KCNJ3: variants seen among roughly 807,000 people sequenced by gnomAD.
KCNJ3 encodes G protein-activated inward rectifier potassium channel 1.
Under a neutral mutation model 39.2 loss-of-function variants are expected in KCNJ3, and 4 were observed. The observed-to-expected ratio is 0.10, with a 90% CI of 0.05 to 0.23. The LOEUF (loss-of-function observed/expected upper bound fraction) is 0.23. Ranked by LOEUF, KCNJ3 falls within the 10% of genes least tolerant of loss-of-function variation. The pLI, the probability that KCNJ3 is intolerant of heterozygous loss-of-function variation, is 1.00. For missense variants in KCNJ3, 276 were observed against 634.9 expected, an observed-to-expected ratio of 0.43 and a Z score of 6.08; for synonymous variants, 230 against 237.4, an observed-to-expected ratio of 0.97 and a Z score of 0.29.
At chr2:154,715,826 ATATC>A (rs995954653) in intron 2 of KCNJ3, among the ~76,000 whole-genome samples, 1 of 152,158 alleles carries the variant, frequency 6.6e-6, no homozygotes, top group African/African-American at 2.4e-5. Context: ...GCTAGTTTAT[ATATC>A]TATCTCAATT....
intron 2 of KCNJ3, among the ~76,000 whole-genome samples, chr2:154,814,642 A>T (rs995251587): frequency 5.3e-5 from 8 of 152,194 alleles, no homozygotes; most frequent in Non-Finnish European, 1.0e-4. Context: ...CGTCTCAAAA[A>T]AAATAAATAA....
At chr2:154,841,711 T>C (rs1687580289) in intron 2 of KCNJ3, among the ~76,000 whole-genome samples, 1 of 152,116 alleles carries the variant, frequency 6.6e-6, no homozygotes, top group Admixed American at 6.5e-5. Context: ...GATTTTCTAG[T>C]TTTTTTGCAT....
intron 2 of KCNJ3, among the ~76,000 whole-genome samples, chr2:154,733,691 G>T (rs1158366850): frequency 6.6e-6 from 1 of 152,154 alleles, no homozygotes; most frequent in East Asian, 1.9e-4. Context: ...ATTCGTGTAG[G>T]ACTGTCAAAA....
chr2:154,749,127 AG>A (rs1184325028), intron 2 of KCNJ3, among the ~76,000 whole-genome samples: 1 of 152,122 alleles, frequency 6.6e-6, no homozygotes, highest in African/African-American at 2.4e-5. Context: ...CCTATGCAGA[AG>A]TGAAGGTGTT....
intron 2 of KCNJ3, among the ~76,000 whole-genome samples, chr2:154,802,909 A>G (rs1686844350): frequency 6.6e-6 from 1 of 152,170 alleles, no homozygotes; most frequent in South Asian, 2.1e-4. Context: ...TGAGTAAAAT[A>G]GTTTACAGAT....
chr2:154,850,761 G>A (rs765045354), intron 2 of KCNJ3, among the ~76,000 whole-genome samples: 5 of 152,134 alleles, frequency 3.3e-5, no homozygotes, highest in Non-Finnish European at 7.4e-5. Flanking sequence ...TTAACATAGT[G>A]TTAACATTGA....
At chr2:154,811,564 T>C (rs34412678) in intron 2 of KCNJ3, among the ~76,000 whole-genome samples, 30,863 of 152,092 alleles carry the variant, frequency 0.2, 4,193 homozygotes, top group Non-Finnish European at 0.3. Flanking sequence ...AGTGCTGGGA[T>C]TACAGGCATG....
chr2:154,779,126 G>A (rs897359106), intron 2 of KCNJ3, among the ~76,000 whole-genome samples: 1 of 151,826 alleles, frequency 6.6e-6, no homozygotes, highest in African/African-American at 2.4e-5. Flanking sequence ...TTCTATTCTT[G>A]TGTGGTACAG....
In KCNJ3 at chr2:154,796,709, T is replaced by C. The variant is rs116358790; in HGVS notation, c.920-58018T>C. Reference sequence around the variant, plus strand: ...GTTGAATGACCTGATGTTGACAACATTTAAAGTAGACTACCTAGAATACTA... The same window carrying C: ...GTTGAATGACCTGATGTTGACAACACTTAAAGTAGACTACCTAGAATACTA... On this transcript the variant is annotated intron_variant, in intron 2 of 2. Coordinates refer to ENST00000295101, the MANE Select transcript of KCNJ3 (RefSeq NM_002239.4). Among the ~76,000 whole-genome samples, 1,020 of 152,248 alleles carry C rather than the reference T, an allele frequency of 6.7e-3. 14 individuals carry two copies. Among genetic ancestry groups the C allele is most frequent in the African/African-American group, 0.023 (960 of 41,556 alleles).
At chr2:154,705,622 C>A (rs985061962) in intron 1 of KCNJ3, among the ~76,000 whole-genome samples, 12 of 152,010 alleles carry the variant, frequency 7.9e-5, no homozygotes, top group Non-Finnish European at 1.5e-5. Context: ...ACACATAGAG[C>A]ATTTACATAT....
intron 2 of KCNJ3, among the ~76,000 whole-genome samples, chr2:154,718,076 T>C (rs1685211331): frequency 6.6e-6 from 1 of 152,314 alleles, no homozygotes; most frequent in Non-Finnish European, 1.5e-5. Context: ...AAATTAATTG[T>C]TGGTGTTTTA....
chr2:154,762,296 C>A (rs770320148), intron 2 of KCNJ3, among the ~76,000 whole-genome samples: 1 of 152,130 alleles, frequency 6.6e-6, no homozygotes, highest in Non-Finnish European at 1.5e-5. Context: ...TAAAAAAGTG[C>A]CTTTAATATT....
At chr2:154,751,018 G>A (rs933311904) in intron 2 of KCNJ3, among the ~76,000 whole-genome samples, 3 of 151,772 alleles carry the variant, frequency 2.0e-5, no homozygotes, top group Non-Finnish European at 2.9e-5. Flanking sequence ...TTAAGGGTGA[G>A]GGATAAAAGA....
intron 2 of KCNJ3, among the ~76,000 whole-genome samples, chr2:154,788,311 A>G (rs1686569752): frequency 6.6e-6 from 1 of 152,140 alleles, no homozygotes; most frequent in Non-Finnish European, 1.5e-5. Context: ...AATATTGCAA[A>G]TTATTGTATT....
intron 2 of KCNJ3, among the ~76,000 whole-genome samples, chr2:154,849,627 T>C (rs1687721474): frequency 6.6e-6 from 1 of 152,220 alleles, no homozygotes; most frequent in African/African-American, 2.4e-5. Context: ...GTGGTTATAT[T>C]GTTTTTAACC....
At chr2:154,805,671 T>C (rs999041089) in intron 2 of KCNJ3, among the ~76,000 whole-genome samples, 1 of 152,208 alleles carries the variant, frequency 6.6e-6, no homozygotes, top group African/African-American at 2.4e-5. Flanking sequence ...AACTGTTATA[T>C]GCAAATGATA....
chr2:154,856,513 T>C lies in KCNJ3; in HGVS notation c.*1200T>C, dbSNP rs767577439. 6.6e-6 allele frequency: 1 copy of C among 152,208 alleles called. No individual in the cohort carries two copies. The highest frequency in any genetic ancestry group is 2.4e-5 in the African/African-American group (1 of 41,464). The allele number at this position is 152,208 out of a possible 1,614,324, so 9.4% of individuals were successfully genotyped here. A position where few individuals can be genotyped will look rare whatever the true frequency, so the allele number is the denominator to read the frequency against. On this transcript the variant is annotated 3_prime_UTR_variant, in exon 3 of 3. Coordinates refer to ENST00000295101, the MANE Select transcript of KCNJ3 (RefSeq NM_002239.4). ...TCTGTTTTCTTGTTTATGGCATTTG[T>C]TGTAACAGGATAGACTTTTTCCTCA... is the stretch of plus-strand genomic sequence containing the variant.
chr2:154,834,864 T>A (rs945569236), intron 2 of KCNJ3, among the ~76,000 whole-genome samples: 1 of 143,746 alleles, frequency 7.0e-6, no homozygotes, highest in Non-Finnish European at 1.5e-5. Flanking sequence ...ATAACATACT[T>A]AATAATAACT....
At chr2:154,782,540 A>AC (rs1553458769) in intron 2 of KCNJ3, among the ~76,000 whole-genome samples, 2 of 72,260 alleles carry the variant, frequency 2.8e-5, no homozygotes, top group Admixed American at 1.4e-4. Context: ...ACACACACAC[A>AC]TACACGCAGG....
Sources: gnomAD v4.1 joint callset for allele counts (sites outside exome capture counted in the v4.1 genomes callset) on GRCh38, gnomAD v4.1.1 for gene constraint, MANE v1.5 for transcripts, NCBI Gene and HGNC (gene_info 2026-07-23, HGNC 2026-07-21) for gene names.